Variants in C1orf146 observed in about 807,000 individuals in gnomAD.
C1orf146 encodes the protein chromosome 1 open reading frame 146, also known as protein SPO16 homolog.
In C1orf146, 22 loss-of-function variants were observed where a neutral mutation model predicts 23.0. The observed-to-expected ratio is 0.96, with a 90% CI of 0.68 to 1.36. The LOEUF (loss-of-function observed/expected upper bound fraction) is 1.36. C1orf146 is among the 40% of genes most tolerant of loss of function. The pLI, the probability that C1orf146 is intolerant of heterozygous loss-of-function variation, is 0.00. For synonymous variants in C1orf146, 59 were observed against 65.3 expected, an observed-to-expected ratio of 0.90 and a Z score of 0.47; for missense variants, 199 against 206.8, an observed-to-expected ratio of 0.96 and a Z score of 0.23.
chr1:92,237,921 A>G (rs1207527783), intron 2 of C1orf146, among the ~76,000 whole-genome samples: 1 of 151,902 alleles, frequency 6.6e-6, no homozygotes, highest in Non-Finnish European at 1.5e-5. Context: ...AGTGATAGAC[A>G]TACTAGTTTT....
chr1:92,229,064 C>G (rs1278205238), intron 1 of C1orf146: 1 of 492,366 alleles, frequency 2.0e-6, no homozygotes, highest in Non-Finnish European at 4.0e-6. Context: ...CATACTCCTG[C>G]TTGCTAGTGC....
Position 92,231,587 on chromosome 1 carries a change from A to C in C1orf146, c.66+101A>C. On this transcript the variant is annotated intron_variant, in intron 2 of 5. Transcript: ENST00000370375. ...AAGGTTCTTAGCTTAATTATCCACA[A>C]TTAATTGTGGGGAGCAGGAAGTACA... 5 of 680,248 alleles carry C rather than the reference A, an allele frequency of 7.4e-6. No individual in the cohort carries two copies. In the Admixed American group the frequency reaches 1.5e-4, roughly 20 times the overall value. The allele number at this position is 680,248 out of a possible 1,614,324, so 42.1% of individuals were successfully genotyped here. A position where few individuals can be genotyped will look rare whatever the true frequency, so the allele number is the denominator to read the frequency against.
intron 1 of C1orf146, among the ~76,000 whole-genome samples, chr1:92,224,119 C>T (rs533577558): frequency 2.6e-5 from 4 of 151,160 alleles, no homozygotes; most frequent in African/African-American, 9.7e-5. Flanking sequence ...GGCATGAACT[C>T]GGCTCACTGC....
At chr1:92,242,819 G>A (rs2100749710) in intron 3 of C1orf146, among the ~76,000 whole-genome samples, 1 of 152,288 alleles carries the variant, frequency 6.6e-6, no homozygotes, top group East Asian at 1.9e-4. Context: ...ATAAGAGAAG[G>A]CTGAGGAGAT....
intron 1 of C1orf146, among the ~76,000 whole-genome samples, chr1:92,223,621 C>T (rs1163928129): frequency 6.6e-6 from 1 of 152,146 alleles, no homozygotes; most frequent in Non-Finnish European, 1.5e-5. Flanking sequence ...CAACCTCTGC[C>T]TTCTGGGCTC....
chr1:92,235,495 T>C (rs1381484751), intron 2 of C1orf146, among the ~76,000 whole-genome samples: 1 of 152,328 alleles, frequency 6.6e-6, no homozygotes, highest in Non-Finnish European at 1.5e-5. Context: ...TAATTTCTGT[T>C]CTTTTACATT....
chr1:92,231,331 A>T, intron 1 of C1orf146, 51 bp from the exon 2 acceptor site: 1 of 816,640 alleles, frequency 1.2e-6, no homozygotes, highest in Non-Finnish European at 2.0e-6. Flanking sequence ...TCTTTAATTT[A>T]CTCATTCATC....
intron 2 of C1orf146, among the ~76,000 whole-genome samples, chr1:92,234,181 CTT>C (rs1345967496): frequency 6.6e-6 from 1 of 152,168 alleles, no homozygotes; most frequent in Non-Finnish European, 1.5e-5. Flanking sequence ...GCATCCCTGT[CTT>C]GTGCCAGTTT....
chr1:92,225,845 AC>A (rs1651952818), intron 1 of C1orf146, among the ~76,000 whole-genome samples: 1 of 152,052 alleles, frequency 6.6e-6, no homozygotes, highest in African/African-American at 2.4e-5. Context: ...CAGCTCTCTT[AC>A]GGTTACTGTT....
intron 1 of C1orf146, among the ~76,000 whole-genome samples, chr1:92,222,535 GTT>G: frequency 4.5e-3 from 271 of 60,556 alleles, no homozygotes; most frequent in East Asian, 9.3e-3. Flanking sequence ...CCCTTCTTCG[GTT>G]TTTTTTTTTT....
intron 2 of C1orf146, among the ~76,000 whole-genome samples, chr1:92,235,731 G>A (rs929736332): frequency 1.0e-3 from 156 of 152,110 alleles, no homozygotes; most frequent in African/African-American, 3.5e-3. Context: ...CCCATTATTA[G>A]TGTGTGGGCG....
chr1:92,221,781 T>C (rs1019917118), intron 1 of C1orf146, among the ~76,000 whole-genome samples: 2 of 152,222 alleles, frequency 1.3e-5, no homozygotes, highest in African/African-American at 4.8e-5. Flanking sequence ...TAGTAAGCAA[T>C]TGGCATTGGA....
At chr1:92,230,760 A>G (rs1347225938) in intron 1 of C1orf146, among the ~76,000 whole-genome samples, 2 of 152,090 alleles carry the variant, frequency 1.3e-5, no homozygotes, top group African/African-American at 2.4e-5. Flanking sequence ...TAAAAGAGTG[A>G]GACCCTCTTT....
chr1:92,236,063 A>G (rs1479687909), intron 2 of C1orf146, among the ~76,000 whole-genome samples: 2 of 152,096 alleles, frequency 1.3e-5, no homozygotes, highest in Non-Finnish European at 2.9e-5. Flanking sequence ...ACTCTATCCA[A>G]TTTGCCATTC....
intron 3 of C1orf146, among the ~76,000 whole-genome samples, chr1:92,242,531 T>TG (rs768551390): frequency 2.6e-5 from 4 of 152,284 alleles, no homozygotes; most frequent in Non-Finnish European, 4.4e-5. Flanking sequence ...TGGTAGAAGA[T>TG]GGGAAAAAAC....
chr1:92,240,637 T>C (rs1403972573), intron 2 of C1orf146: 1 of 156,858 alleles, frequency 6.4e-6, no homozygotes, highest in African/African-American at 2.4e-5. Flanking sequence ...ACCTAAGAGA[T>C]TTTTATCTAT....
chr1:92,225,760 T>C (rs1166252333), intron 1 of C1orf146, among the ~76,000 whole-genome samples: 1 of 152,204 alleles, frequency 6.6e-6, no homozygotes, highest in Non-Finnish European at 1.5e-5. Context: ...TTTTTATCAT[T>C]ATAATACATC....
intron 3 of C1orf146, 151 bp from the exon 4 acceptor site, chr1:92,244,066 G>T (rs753664934): frequency 5.4e-6 from 3 of 555,592 alleles, no homozygotes; most frequent in South Asian, 2.6e-5. Context: ...ATTTTGTTGT[G>T]TAGGAATTCC....
chr1:92,226,627 T>A (rs1570787414), intron 1 of C1orf146, among the ~76,000 whole-genome samples: 1 of 152,362 alleles, frequency 6.6e-6, no homozygotes, highest in South Asian at 2.1e-4. Context: ...TGGTATATGT[T>A]TTCCCATCCT....
Sources: gnomAD v4.1 joint callset for allele counts (sites outside exome capture counted in the v4.1 genomes callset) on GRCh38, gnomAD v4.1.1 for gene constraint, MANE v1.5 for transcripts, NCBI Gene and HGNC (gene_info 2026-07-23, HGNC 2026-07-21) for gene names.